The following SLC8A1 variants were observed in gnomAD, a reference collection of about 807,000 sequenced individuals.
SLC8A1 encodes sodium/calcium exchanger 1.
In SLC8A1, 18 loss-of-function variants were observed where a neutral mutation model predicts 68.3. The ratio of observed to expected loss-of-function variants is 0.26; its 90% CI spans 0.18 to 0.39. The LOEUF is 0.39. Ranked by LOEUF, SLC8A1 falls within the 10% of genes least tolerant of loss-of-function variation. The pLI is 1.00. For missense variants in SLC8A1, 985 were observed against 1,156.7 expected (o/e 0.85, Z 2.15); for synonymous variants, 475 against 415.5 (o/e 1.14, Z -1.74).
At chr2:40,209,145 T>C (rs1274712482) in intron 2 of SLC8A1, 1 of 151,510 alleles carries the variant, frequency 6.6e-6, no homozygotes, top group Non-Finnish European at 1.5e-5. Flanking sequence ...ATGGAAAGAG[T>C]ACAGGAAAGC....
intron 2 of SLC8A1, among the ~76,000 whole-genome samples, chr2:40,364,000 A>C (rs1008998234): frequency 9.2e-5 from 14 of 152,102 alleles, no homozygotes; most frequent in Non-Finnish European, 2.9e-5. Flanking sequence ...AGGGCTAATC[A>C]GAATAACCCT....
At chr2:40,157,041 T>A (rs1242659209) in intron 6 of SLC8A1, among the ~76,000 whole-genome samples, 2 of 152,214 alleles carry the variant, frequency 1.3e-5, no homozygotes, top group Non-Finnish European at 2.9e-5. Flanking sequence ...TCAGTGTTCT[T>A]ATTTATAAAA....
chr2:40,329,844 T>C (rs2076233784), intron 2 of SLC8A1, among the ~76,000 whole-genome samples: 1 of 152,032 alleles, frequency 6.6e-6, no homozygotes, highest in African/African-American at 2.4e-5. Context: ...TCACAGATCC[T>C]AGCATAAAAA....
At chr2:40,211,547 T>A (rs1372727804) in intron 2 of SLC8A1, among the ~76,000 whole-genome samples, 3 of 152,208 alleles carry the variant, frequency 2.0e-5, no homozygotes, top group Admixed American at 2.0e-4. Flanking sequence ...AAGATTTTCA[T>A]GTTTAGGTGG....
exon 8 of SLC8A1, chr2:40,114,510 G>C (rs1381985300): frequency 6.5e-6 from 1 of 152,736 alleles, no homozygotes; most frequent in Non-Finnish European, 1.5e-5. Flanking sequence ...AAGAAAGAAA[G>C]GATTTTGCAC....
chr2:40,210,173 CAT>C (rs879886603), intron 2 of SLC8A1: 1 of 152,148 alleles, frequency 6.6e-6, no homozygotes. Context: ...GTAAGGAAAA[CAT>C]ATACAGTACC....
chr2:40,463,496 T>C (rs1703462133), intron 1 of SLC8A1, among the ~76,000 whole-genome samples: 1 of 152,232 alleles, frequency 6.6e-6, no homozygotes, highest in South Asian at 2.1e-4. Flanking sequence ...TACTAAATTT[T>C]CTGCCCTTTT....
chr2:40,151,099 G>C (rs429648), intron 6 of SLC8A1, among the ~76,000 whole-genome samples: 22,944 of 152,074 alleles, frequency 0.15, 2,151 homozygotes, highest in African/African-American at 0.25. Context: ...AGAACACTGA[G>C]AGAAAATGTC....
At chr2:40,302,855 G>T (rs1363127866) in intron 2 of SLC8A1, among the ~76,000 whole-genome samples, 2 of 152,042 alleles carry the variant, frequency 1.3e-5, no homozygotes, top group Non-Finnish European at 2.9e-5. Flanking sequence ...ATTCCCCCCA[G>T]CAGTGAAGAA....
chr2:40,441,514 A>G (rs1290629106), intron 1 of SLC8A1, among the ~76,000 whole-genome samples: 1 of 152,074 alleles, frequency 6.6e-6, no homozygotes, highest in Non-Finnish European at 1.5e-5. Flanking sequence ...TTCAAACTAT[A>G]CTACTACAAG....
chr2:40,314,043 GATA>G (rs2074106498), intron 2 of SLC8A1, among the ~76,000 whole-genome samples: 1 of 151,938 alleles, frequency 6.6e-6, no homozygotes, highest in Admixed American at 6.6e-5. Context: ...TTTAAAAATA[GATA>G]ATGTTTTGGA....
intron 2 of SLC8A1, among the ~76,000 whole-genome samples, chr2:40,219,668 A>C (rs1331408742): frequency 6.6e-6 from 1 of 152,230 alleles, no homozygotes; most frequent in African/African-American, 2.4e-5. Context: ...TTATTCTAAT[A>C]AGTTGTTAGC....
At chr2:40,390,764 G>T (rs1685004292) in intron 2 of SLC8A1, among the ~76,000 whole-genome samples, 1 of 152,026 alleles carries the variant, frequency 6.6e-6, no homozygotes, top group Non-Finnish European at 1.5e-5. Context: ...AACATCAGGG[G>T]ACTGCATCCA....
chr2:40,501,248 T>C (rs1706043077), intron 1 of SLC8A1, among the ~76,000 whole-genome samples: 1 of 152,078 alleles, frequency 6.6e-6, no homozygotes, highest in Non-Finnish European at 1.5e-5. Flanking sequence ...CTTTACTTTG[T>C]ATTTGTTTTC....
chr2:40,139,570 G>A lies in SLC8A1; in HGVS notation c.2268C>T (p.Val756=), dbSNP rs753637785. ...AGCCATTCCAGTATTCAGTAGGGGG[G>A]ACGAAGGCAAACAGGACCTTCCAGA... is the stretch of plus-strand genomic sequence containing the variant. The change falls in exon 7 of 8, where the codon GTC becomes GTT. Residue 756 remains valine (V), a synonymous_variant. Coordinates refer to ENST00000406785, the Ensembl canonical transcript of SLC8A1. 1.1e-5 allele frequency: 17 copies of A among 1,614,038 alleles called. 1 individual carries two copies. In the South Asian group the frequency reaches 1.5e-4, roughly 15 times the overall value.
At chr2:40,342,202 A>G (rs1222226598) in intron 2 of SLC8A1, among the ~76,000 whole-genome samples, 1 of 152,146 alleles carries the variant, frequency 6.6e-6, no homozygotes, top group African/African-American at 2.4e-5. Flanking sequence ...ATGGCCCTAT[A>G]GATATTAACT....
chr2:40,478,225 C>T (rs534142418), intron 1 of SLC8A1, among the ~76,000 whole-genome samples: 53 of 104,964 alleles, frequency 5.0e-4, no homozygotes, highest in Middle Eastern at 4.5e-3. Flanking sequence ...TACACCCACC[C>T]GCCCTCACAC....
chr2:40,160,723 T>C (rs772252307), intron 6 of SLC8A1, 42 bp downstream of exon 9: 7 of 1,567,318 alleles, frequency 4.5e-6, no homozygotes, highest in African/African-American at 2.7e-5. Flanking sequence ...TCAGCTCAGA[T>C]TGGGCAATTT....
intron 2 of SLC8A1, among the ~76,000 whole-genome samples, chr2:40,332,438 C>CT (rs576556995): frequency 1.1e-5 from 1 of 89,460 alleles, no homozygotes; most frequent in Admixed American, 1.2e-4. Flanking sequence ...AGGACGGGGG[C>CT]GGGGGGCGGT....
Sources: gnomAD v4.1 joint callset for allele counts (sites outside exome capture counted in the v4.1 genomes callset) on GRCh38, gnomAD v4.1.1 for gene constraint, MANE v1.5 for transcripts, NCBI Gene and HGNC (gene_info 2026-07-23, HGNC 2026-07-21) for gene names.